NEDD4L: variants seen among roughly 807,000 people sequenced by gnomAD.
NEDD4L encodes NEDD4 like E3 ubiquitin protein ligase, also known as E3 ubiquitin-protein ligase NEDD4-like.
A neutral mutation model predicts 148.9 loss-of-function variants in NEDD4L; 54 were observed. The observed-to-expected ratio is 0.36, with a 90% CI of 0.29 to 0.45. NEDD4L has a LOEUF of 0.45. NEDD4L is among the 20% of genes least tolerant of loss of function. The pLI, the probability that NEDD4L is intolerant of heterozygous loss-of-function variation, is 1.00. For missense variants in NEDD4L, 856 were observed against 1,233.8 expected (o/e 0.69, Z 4.59); for synonymous variants, 433 against 440.7 (o/e 0.98, Z 0.22).
intron 1 of NEDD4L, chr18:58,047,427 A>T: frequency 1.0e-6 from 1 of 985,420 alleles, no homozygotes; most frequent in Non-Finnish European, 1.2e-6. Flanking sequence ...GCATTGCATG[A>T]ACCCAGAAAA....
chr18:58,185,745 T>C lies in NEDD4L; in HGVS notation c.122+19884T>C, dbSNP rs537894363. ...AAAATTAGCCGGGTGTGGTGGTGCA[T>C]GCCTGTAATCCCAGCTACTCGGGAG... is the stretch of plus-strand genomic sequence containing the variant. On this transcript the variant is annotated intron_variant, in intron 2 of 30. Transcript: ENST00000400345. Among the ~76,000 whole-genome samples, 3 of 152,102 alleles carry C rather than the reference T, an allele frequency of 2.0e-5. No individual in the cohort carries two copies. In the East Asian group the frequency reaches 5.8e-4, roughly 29 times the overall value.
intron 2 of NEDD4L, among the ~76,000 whole-genome samples, chr18:58,178,653 C>T (rs1279148955): frequency 6.6e-6 from 1 of 152,166 alleles, no homozygotes; most frequent in Non-Finnish European, 1.5e-5. Flanking sequence ...ATTGGCATTC[C>T]TACTGTATAA....
intron 1 of NEDD4L, among the ~76,000 whole-genome samples, chr18:58,064,456 A>G (rs2082500911): frequency 6.6e-6 from 1 of 152,142 alleles, no homozygotes; most frequent in South Asian, 2.1e-4. Context: ...AAACTCTATC[A>G]TCTGTGCTCA....
Position 58,390,644 on chromosome 18 carries a change from A to G in NEDD4L, c.2656-2A>G. The G allele has an allele frequency of 1.3e-6, 2 of 1,576,538 alleles. No homozygotes were observed. Among genetic ancestry groups the G allele is most frequent in the Non-Finnish European group, 1.7e-6 (2 of 1,158,448 alleles). On this transcript the variant is annotated splice_acceptor_variant, in intron 28 of 30. Transcript: ENST00000400345. LOFTEE classifies it high-confidence loss of function. ...ATAATGACCTTCTGCCTCTGTTCAT[A>G]GGCTGTGCTACTCATGGACGCCGAA... is the stretch of plus-strand genomic sequence containing the variant.
chr18:58,211,732 A>G (rs1409959292), intron 2 of NEDD4L, among the ~76,000 whole-genome samples: 1 of 152,240 alleles, frequency 6.6e-6, no homozygotes, highest in Non-Finnish European at 1.5e-5. Flanking sequence ...AGTAATGACA[A>G]CATGCTAAGA....
intron 1 of NEDD4L, among the ~76,000 whole-genome samples, chr18:58,148,047 C>A (rs374442882): frequency 7.9e-5 from 12 of 152,066 alleles, no homozygotes; most frequent in East Asian, 1.9e-4. Context: ...TCTCTCCCCC[C>A]CTTTTTTTTT....
intron 1 of NEDD4L, among the ~76,000 whole-genome samples, chr18:58,150,947 C>T (rs1184601059): frequency 6.6e-6 from 1 of 152,196 alleles, no homozygotes; most frequent in Non-Finnish European, 1.5e-5. Context: ...TCCTCCACCT[C>T]CAAAAGGACT....
At chr18:58,333,008 G>A (rs1161666294) in intron 11 of NEDD4L, among the ~76,000 whole-genome samples, 1 of 152,078 alleles carries the variant, frequency 6.6e-6, no homozygotes, top group Non-Finnish European at 1.5e-5. Flanking sequence ...TGAGCATGGA[G>A]GCTCACACCT....
chr18:58,082,102 A>ATATATATATATATTTTT, intron 1 of NEDD4L, among the ~76,000 whole-genome samples: 3 of 48,830 alleles, frequency 6.1e-5, no homozygotes, highest in African/African-American at 1.3e-4. Context: ...ATATATATAT[A>ATATATATATATATTTTT]TTTTTTTTTT....
chr18:58,253,170 G>A (rs2048124480), intron 5 of NEDD4L, among the ~76,000 whole-genome samples: 1 of 152,142 alleles, frequency 6.6e-6, no homozygotes, highest in Non-Finnish European at 1.5e-5. Flanking sequence ...TAGAATATTT[G>A]AATTGGAGGA....
In NEDD4L at chr18:58,106,640, A is replaced by C. The variant is rs573870233; in HGVS notation, c.49-59148A>C. ...TTCTCATAGGGTTGTTATGAAGATT[A>C]AATGATTTAAAGTATGCAGAGTGCT... On this transcript the variant is annotated intron_variant, in intron 1 of 30. Coordinates refer to ENST00000400345, the MANE Select transcript of NEDD4L (RefSeq NM_001144967.3). Among the ~76,000 whole-genome samples, 209 of 152,352 alleles carry C rather than the reference A, an allele frequency of 1.4e-3. 1 individual carries two copies. The highest frequency in any genetic ancestry group is 2.5e-3 in the Non-Finnish European group (170 of 68,034).
intron 5 of NEDD4L, among the ~76,000 whole-genome samples, chr18:58,275,626 G>A (rs546029289): frequency 4.6e-4 from 70 of 152,308 alleles, no homozygotes; most frequent in African/African-American, 1.6e-3. Flanking sequence ...TGGTCTGGCC[G>A]CTGCACCAGC....
intron 1 of NEDD4L, among the ~76,000 whole-genome samples, chr18:58,097,274 G>A (rs2084474931): frequency 6.6e-6 from 1 of 152,232 alleles, no homozygotes; most frequent in Non-Finnish European, 1.5e-5. Flanking sequence ...AACATGGAGA[G>A]AGCATTCGAG....
chr18:58,236,379 T>C (rs1319078940), intron 2 of NEDD4L, among the ~76,000 whole-genome samples: 1 of 152,008 alleles, frequency 6.6e-6, no homozygotes, highest in Admixed American at 6.6e-5. Flanking sequence ...AAAAAAAATT[T>C]ATGAAGTACT....
rs960125259 is a variant in NEDD4L at position 58,152,481 on chromosome 18, T to C, written c.49-13307T>C. Among the ~76,000 whole-genome samples, 35 of 152,366 alleles carry C rather than the reference T, an allele frequency of 2.3e-4. 1 individual carries two copies. Among genetic ancestry groups the C allele is most frequent in the Non-Finnish European group, 7.3e-5 (5 of 68,028 alleles). ...CACACATTTCCATCCAAGTTTTCTT[T>C]GGGGAAGAGGGGATCCCTGCAGAGG... On this transcript the variant is annotated intron_variant, in intron 1 of 30. Coordinates refer to ENST00000400345, the MANE Select transcript of NEDD4L (RefSeq NM_001144967.3).
intron 5 of NEDD4L, among the ~76,000 whole-genome samples, chr18:58,274,282 G>T (rs1020948609): frequency 1.3e-5 from 2 of 152,216 alleles, no homozygotes; most frequent in East Asian, 3.8e-4. Context: ...GTCGTGTTGG[G>T]CTCTGAAGTT....
chr18:58,358,481 CT>C (rs1344261032), intron 19 of NEDD4L, among the ~76,000 whole-genome samples: 1 of 152,146 alleles, frequency 6.6e-6, no homozygotes, highest in African/African-American at 2.4e-5. Flanking sequence ...TGACAGAAGA[CT>C]TTTGACATAA....
rs529593954 is a variant in NEDD4L at position 58,047,424 on chromosome 18, A to G, written c.48+2716A>G. The G allele has an allele frequency of 3.0e-6, 3 of 985,236 alleles. 1 individual carries two copies. The Admixed American group carries it at 1.8e-4, about 61-fold the overall frequency. The allele number at this position is 985,236 out of a possible 1,614,324, so 61.0% of individuals were successfully genotyped here. ...TGCACTGCTGATGATGAAGCATTGC[A>G]TGAACCCAGAAAACGGGGATGCCAA... On this transcript the variant is annotated intron_variant, in intron 1 of 30. Transcript: ENST00000400345.
At chr18:58,389,821 A>T (rs560310733) in intron 28 of NEDD4L, among the ~76,000 whole-genome samples, 1 of 96,372 alleles carries the variant, frequency 1.0e-5, no homozygotes, top group South Asian at 3.6e-4. Flanking sequence ...ACTTTTTCAA[A>T]TTTATTTTTA....
Sources: allele counts gnomAD v4.1 joint callset (sites outside exome capture counted in the v4.1 genomes callset), GRCh38; gene constraint gnomAD v4.1.1; transcripts MANE v1.5; gene names NCBI Gene and HGNC (gene_info 2026-07-23, HGNC 2026-07-21).